Variants in PCDH11X observed in about 807,000 individuals in gnomAD.
PCDH11X encodes the protein protocadherin 11 X-linked.
PCDH11X carries 18 observed loss-of-function variants against 53.3 expected under a neutral mutation model. That is an observed-to-expected ratio of 0.34 (90% CI 0.23 to 0.50). The LOEUF (loss-of-function observed/expected upper bound fraction) is 0.50, where lower values mean the gene tolerates loss of function less well. Among genes scored for constraint, PCDH11X ranks in the 20% least tolerant of loss-of-function variants. The pLI is 0.98. For missense variants in PCDH11X, 570 were observed against 1,032.4 expected (o/e 0.55, Z 6.14); for synonymous variants, 279 against 393.3 (o/e 0.71, Z 3.44).
Position 92,621,463 on chromosome X carries a change from A to G in PCDH11X, c.*2523A>G, listed in dbSNP as rs1928488974. 1 of 109,465 alleles carries G rather than the reference A, an allele frequency of 9.1e-6. No individual in the cohort carries two copies. The highest frequency in any genetic ancestry group is 3.3e-5 in the African/African-American group (1 of 29,930). 9.0% of individuals were successfully genotyped at this position (109,465 alleles called of 1,213,427 possible). On this transcript the variant is annotated 3_prime_UTR_variant, in exon 11 of 11. Transcript: ENST00000682573. ...AGACTTAGATTGTGTTTAGAATATT[A>G]AATGACTGGGCACCCTCTTCTTGGT...
chrX:92,521,324 A>T (rs1286314172), intron 10 of PCDH11X, among the ~76,000 whole-genome samples: 1 of 112,138 alleles, frequency 8.9e-6, no homozygotes, highest in Non-Finnish European at 1.9e-5. Context: ...AACAACTTTA[A>T]TCTGCTCGCA....
intron 6 of PCDH11X, among the ~76,000 whole-genome samples, chrX:91,982,109 C>T (rs1229615626): frequency 9.0e-6 from 1 of 110,777 alleles, no homozygotes; most frequent in Non-Finnish European, 1.9e-5. Context: ...TCATCACATC[C>T]ACCCTCTCCA....
At chrX:92,028,891 G>A (rs995723069) in intron 6 of PCDH11X, among the ~76,000 whole-genome samples, 1 of 111,152 alleles carries the variant, frequency 9.0e-6, no homozygotes, top group Non-Finnish European at 1.9e-5. Flanking sequence ...AGCTATCTTT[G>A]TTCTCCTTCT....
chrX:91,887,225 A>AATCTTAT (rs1940270982), intron 6 of PCDH11X, among the ~76,000 whole-genome samples: 1 of 110,249 alleles, frequency 9.1e-6, no homozygotes, highest in South Asian at 3.7e-4. Context: ...GACCTTGAGT[A>AATCTTAT]ATCTTATATA....
intron 6 of PCDH11X, among the ~76,000 whole-genome samples, chrX:91,908,159 A>C (rs1279981139): frequency 8.9e-6 from 1 of 111,973 alleles, no homozygotes; most frequent in Non-Finnish European, 1.9e-5. Flanking sequence ...ACAGAAGCAA[A>C]AATCAACAAA....
At position 91,989,353 on chromosome X, in the gene PCDH11X, G is replaced by A. The variant is rs1179800246; in HGVS notation, c.3033+110080G>A. On this transcript the variant is annotated intron_variant, in intron 6 of 10. Transcript: ENST00000682573. ...CGAGGCGGGCAGATCACGAGGTCAG[G>A]AGATCAAGACCATCCTGGCTAACAT... Among the ~76,000 whole-genome samples the A allele has an allele frequency of 2.7e-5, 3 of 111,204 alleles. No homozygotes were observed. The East Asian group carries it at 8.5e-4, about 32-fold the overall frequency.
intron 10 of PCDH11X, among the ~76,000 whole-genome samples, chrX:92,565,726 A>C (rs1363541059): frequency 3.7e-5 from 4 of 107,548 alleles, no homozygotes; most frequent in African/African-American, 6.7e-5. Context: ...ACTATTTGAT[A>C]GAACAACAGA....
At chrX:91,788,298 T>C (rs1280589842) in intron 1 of PCDH11X, among the ~76,000 whole-genome samples, 1 of 111,704 alleles carries the variant, frequency 9.0e-6, no homozygotes, top group Non-Finnish European at 1.9e-5. Context: ...TTGTATTGAA[T>C]AGAGATTATT....
At chrX:92,422,449 A>G (rs1313839318) in intron 9 of PCDH11X, among the ~76,000 whole-genome samples, 2 of 110,246 alleles carry the variant, frequency 1.8e-5, no homozygotes, top group Non-Finnish European at 3.8e-5. Flanking sequence ...ACTTAGAATA[A>G]TGATCTCCAA....
intron 7 of PCDH11X, among the ~76,000 whole-genome samples, chrX:92,256,035 C>G (rs1194184276): frequency 1.8e-5 from 2 of 112,091 alleles, no homozygotes; most frequent in East Asian, 5.7e-4. Flanking sequence ...CCCCCAGCCT[C>G]GCTGCCGCCT....
At chrX:92,406,442 C>T (rs1260036610) in intron 9 of PCDH11X, among the ~76,000 whole-genome samples, 2 of 104,047 alleles carry the variant, frequency 1.9e-5, no homozygotes, top group African/African-American at 7.2e-5. Context: ...AATTGTAATG[C>T]TCTATTACTA....
At chrX:92,364,393 C>A (rs2070415336) in intron 8 of PCDH11X, among the ~76,000 whole-genome samples, 1 of 111,119 alleles carries the variant, frequency 9.0e-6, no homozygotes, top group African/African-American at 3.3e-5. Flanking sequence ...ATTTGTGTAT[C>A]TAAACATAGA....
At chrX:92,006,061 G>C (rs2062595259) in intron 6 of PCDH11X, among the ~76,000 whole-genome samples, 1 of 110,898 alleles carries the variant, frequency 9.0e-6, no homozygotes, top group Non-Finnish European at 1.9e-5. Context: ...TTGAGAGTAT[G>C]ATTATTAAAT....
chrX:91,780,157 C>A (rs1440747775), intron 1 of PCDH11X, among the ~76,000 whole-genome samples: 3 of 111,719 alleles, frequency 2.7e-5, no homozygotes, highest in Non-Finnish European at 3.8e-5. Context: ...GAAACTACCC[C>A]TGGCCTCCCT....
At chrX:92,484,209 A>ATATATATGTATATATGTATATATG (rs1272455500) in intron 10 of PCDH11X, among the ~76,000 whole-genome samples, 1 of 73,166 alleles carries the variant, frequency 1.4e-5, no homozygotes, top group Non-Finnish European at 2.3e-5. Flanking sequence ...GTATATATGT[A>ATATATATGTATATATGTATATATG]TATATATGTA....
Position 92,462,424 on chromosome X carries a change from T to C in PCDH11X, c.3344-5875T>C, listed in dbSNP as rs770081115. On this transcript the variant is annotated intron_variant, in intron 9 of 10. Coordinates refer to ENST00000682573, the MANE Select transcript of PCDH11X (RefSeq NM_032968.5). ...GACCAGATACACCACCAAGTCCCAT[T>C]TAAAAATGGCCTTAATTTAGAATTC... Among the ~76,000 whole-genome samples the C allele has an allele frequency of 7.2e-5, 8 of 111,265 alleles. No individual in the cohort carries two copies. In the South Asian group the frequency reaches 1.5e-3, roughly 21 times the overall value.
chrX:91,993,156 A>G (rs1053122019), intron 6 of PCDH11X, among the ~76,000 whole-genome samples: 4 of 112,351 alleles, frequency 3.6e-5, no homozygotes, highest in Admixed American at 9.4e-5. Flanking sequence ...ATTCATTTGC[A>G]TGCATAACTA....
At chrX:92,553,853 A>G (rs1177646329) in intron 10 of PCDH11X, among the ~76,000 whole-genome samples, 1 of 110,733 alleles carries the variant, frequency 9.0e-6, no homozygotes. Context: ...AACTTTCAAA[A>G]CCACCCACTG....
chrX:91,991,639 C>T, intron 6 of PCDH11X, among the ~76,000 whole-genome samples: 2 of 93,970 alleles, frequency 2.1e-5, no homozygotes, highest in East Asian at 6.8e-4. Flanking sequence ...GATTGATGTT[C>T]TCAGGAACTT....
Sources: gnomAD v4.1 joint callset for allele counts (sites outside exome capture counted in the v4.1 genomes callset) on GRCh38, gnomAD v4.1.1 for gene constraint, MANE v1.5 for transcripts, NCBI Gene and HGNC (gene_info 2026-07-23, HGNC 2026-07-21) for gene names.